Variants in FRS2 observed in about 807,000 individuals in gnomAD.
FRS2 encodes FGFR signalling adaptor.
FRS2 carries 8 observed loss-of-function variants against 43.9 expected under a neutral mutation model. The ratio of observed to expected loss-of-function variants is 0.18; its 90% CI spans 0.11 to 0.33. The LOEUF (loss-of-function observed/expected upper bound fraction) is 0.33. Ranked by LOEUF, FRS2 falls within the 10% of genes least tolerant of loss-of-function variation. The probability of loss-of-function intolerance (pLI) is 1.00; values close to 1 mark genes in which losing one functional copy is unlikely to be tolerated. For synonymous variants in FRS2, 219 were observed against 220.3 expected, an observed-to-expected ratio of 0.99 and a Z score of 0.05; for missense variants, 534 against 627.6, an observed-to-expected ratio of 0.85 and a Z score of 1.59.
intron 1 of FRS2, among the ~76,000 whole-genome samples, chr12:69,489,815 G>C (rs1240402217): frequency 8.9e-5 from 12 of 135,510 alleles, no homozygotes; most frequent in Non-Finnish European, 2.0e-4. Flanking sequence ...AAGTTTTTGG[G>C]GTTTTTTTTT....
At chr12:69,505,735 T>C (rs1373065335) in intron 1 of FRS2, among the ~76,000 whole-genome samples, 1 of 152,204 alleles carries the variant, frequency 6.6e-6, no homozygotes, top group African/African-American at 2.4e-5. Context: ...TTTTGTGTAT[T>C]TGTAGTGGAG....
chr12:69,569,063 C>A lies in FRS2; in HGVS notation c.33C>A (p.Asp11Glu), dbSNP rs1299606394. Residue 11 changes from aspartate to glutamate, a missense_variant, in exon 5 of 9, where the codon GAC becomes GAA. Transcript: ENST00000549921. Reference sequence around the variant, plus strand: ...GCTGTTGTAGCTGTCCAGATAAAGACACTGTCCCAGATAACCATCGGAACA... The same window carrying A: ...GCTGTTGTAGCTGTCCAGATAAAGAAACTGTCCCAGATAACCATCGGAACA... MGSCCSCPDK[D>E]TVPDNHRNKF... 3.1e-6 allele frequency: 5 copies of A among 1,612,050 alleles called. No homozygotes were observed. Among genetic ancestry groups the A allele is most frequent in the Non-Finnish European group, 4.2e-6 (5 of 1,178,564 alleles).
intron 1 of FRS2, among the ~76,000 whole-genome samples, chr12:69,509,880 C>T (rs963433965): frequency 3.3e-5 from 5 of 152,158 alleles, no homozygotes; most frequent in African/African-American, 9.7e-5. Context: ...CACCTTTCCC[C>T]TCCCAGCCCT....
At chr12:69,476,651 A>G (rs182338606) in intron 1 of FRS2, among the ~76,000 whole-genome samples, 1 of 151,772 alleles carries the variant, frequency 6.6e-6, no homozygotes, top group African/African-American at 2.4e-5. Flanking sequence ...ACACAAACCA[A>G]TTATGAACAT....
rs546051167 is a variant in FRS2 at position 69,571,805 on chromosome 12, A to G, written c.413-313A>G. 2.0e-5 allele frequency among the ~76,000 whole-genome samples: 3 copies of G among 152,342 alleles called. No homozygotes were observed. In the East Asian group the frequency reaches 5.8e-4, roughly 29 times the overall value. On this transcript the variant is annotated intron_variant, in intron 7 of 8. Coordinates refer to ENST00000549921, the MANE Select transcript of FRS2 (RefSeq NM_001278356.2). ...CATGAACCCGGGAGGTGGAGCTTGC[A>G]GTGAACTGAGATCATGCCACTGCAT... is the stretch of plus-strand genomic sequence containing the variant.
At chr12:69,545,300 A>C (rs1199577065) in intron 3 of FRS2, among the ~76,000 whole-genome samples, 4 of 152,164 alleles carry the variant, frequency 2.6e-5, no homozygotes, top group Admixed American at 2.6e-4. Context: ...ATTCATATGG[A>C]ATATCAAGGG....
At chr12:69,518,125 A>G (rs1185394320) in intron 1 of FRS2, among the ~76,000 whole-genome samples, 3 of 152,226 alleles carry the variant, frequency 2.0e-5, no homozygotes, top group Non-Finnish European at 4.4e-5. Flanking sequence ...GTTCAGAGAA[A>G]ACAGGTATAG....
intron 1 of FRS2, among the ~76,000 whole-genome samples, chr12:69,487,373 A>G (rs1814710290): frequency 6.6e-6 from 1 of 152,042 alleles, no homozygotes; most frequent in South Asian, 2.1e-4. Flanking sequence ...CAGAAGTCCT[A>G]GGGCCCTTTA....
intron 1 of FRS2, among the ~76,000 whole-genome samples, chr12:69,501,505 C>A (rs1441451489): frequency 1.3e-5 from 2 of 152,168 alleles, no homozygotes; most frequent in East Asian, 3.8e-4. Context: ...TTGAATGTGC[C>A]AGAAATTGTA....
At chr12:69,524,818 A>G (rs779876896) in intron 1 of FRS2, among the ~76,000 whole-genome samples, 12 of 152,106 alleles carry the variant, frequency 7.9e-5, no homozygotes, top group African/African-American at 2.9e-4. Context: ...TCAAGTGTCC[A>G]TGGTGGCAGA....
intron 1 of FRS2, among the ~76,000 whole-genome samples, chr12:69,518,030 C>T (rs1875232220): frequency 6.6e-6 from 1 of 151,988 alleles, no homozygotes; most frequent in African/African-American, 2.4e-5. Context: ...GAATGAGGCA[C>T]AAGTTAGGGA....
chr12:69,563,304 G>T (rs1425584825), intron 4 of FRS2, among the ~76,000 whole-genome samples: 1 of 152,156 alleles, frequency 6.6e-6, no homozygotes, highest in Non-Finnish European at 1.5e-5. Context: ...TCACATTAAA[G>T]AAGTTTCCTT....
chr12:69,531,900 T>C (rs1349551851), intron 2 of FRS2, 114 bp from the exon 3 acceptor site: 1 of 152,658 alleles, frequency 6.6e-6, no homozygotes, highest in Non-Finnish European at 1.5e-5. Context: ...TTTCGTAATA[T>C]CAAATGTCAT....
At chr12:69,545,412 A>G (rs1244049444) in intron 3 of FRS2, among the ~76,000 whole-genome samples, 1 of 152,308 alleles carries the variant, frequency 6.6e-6, no homozygotes, top group Middle Eastern at 3.4e-3. Context: ...ATCAAACAGC[A>G]TGGTATTGGC....
rs149599567 is a variant in FRS2 at position 69,542,522 on chromosome 12, C to CA, written c.-122+10469dup. On this transcript the variant is annotated intron_variant, in intron 3 of 8. Coordinates refer to ENST00000549921, the MANE Select transcript of FRS2 (RefSeq NM_001278356.2). ...CTAGCTCTAAAATTCTTTATTTTTTCAAACAGATTTTTAATGAATCAGGTT... is the reference window on the plus strand; with the variant it reads ...CTAGCTCTAAAATTCTTTATTTTTTCAAAACAGATTTTTAATGAATCAGGTT... 9.3e-3 allele frequency among the ~76,000 whole-genome samples: 1,416 copies of CA among 152,154 alleles called. 26 individuals carry two copies. Among genetic ancestry groups the CA allele is most frequent in the African/African-American group, 0.031 (1,305 of 41,530 alleles).
intron 3 of FRS2, among the ~76,000 whole-genome samples, chr12:69,549,639 C>T (rs565696483): frequency 6.6e-6 from 1 of 152,288 alleles, no homozygotes; most frequent in East Asian, 1.9e-4. Flanking sequence ...GCATAGACTT[C>T]TGTGGTTTGG....
intron 1 of FRS2, among the ~76,000 whole-genome samples, chr12:69,498,651 C>T (rs1268939700): frequency 2.0e-5 from 3 of 151,588 alleles, no homozygotes; most frequent in Non-Finnish European, 4.4e-5. Context: ...CCCAGGGAAG[C>T]CAAAAGATTG....
chr12:69,472,368 C>T (rs1407954395), intron 1 of FRS2, among the ~76,000 whole-genome samples: 1 of 151,238 alleles, frequency 6.6e-6, no homozygotes, highest in East Asian at 2.0e-4. Context: ...GCTGGGATTA[C>T]AGTTGTGAGC....
At chr12:69,548,525 T>C (rs1407338025) in intron 3 of FRS2, among the ~76,000 whole-genome samples, 6 of 152,212 alleles carry the variant, frequency 3.9e-5, no homozygotes, top group Non-Finnish European at 8.8e-5. Context: ...CTAAGAAATG[T>C]AAAAGCTGTT....
Sources: gnomAD v4.1 joint callset for allele counts (sites outside exome capture counted in the v4.1 genomes callset) on GRCh38, gnomAD v4.1.1 for gene constraint, MANE v1.5 for transcripts, NCBI Gene and HGNC (gene_info 2026-07-23, HGNC 2026-07-21) for gene names.